FAM53B: variants seen among roughly 807,000 people sequenced by gnomAD.
FAM53B encodes the protein family with sequence similarity 53 member B, also known as protein FAM53B.
FAM53B carries 12 observed loss-of-function variants against 32.7 expected under a neutral mutation model. The ratio of observed to expected loss-of-function variants is 0.37; its 90% CI spans 0.24 to 0.59. FAM53B has a LOEUF of 0.59. FAM53B is among the 20% of genes least tolerant of loss of function. The pLI is 0.72. For synonymous variants in FAM53B, 234 were observed against 228.7 expected, an observed-to-expected ratio of 1.02 and a Z score of -0.21; for missense variants, 477 against 577.7, an observed-to-expected ratio of 0.83 and a Z score of 1.79.
At chr10:124,625,860 G>A (rs1309403155) in intron 4 of FAM53B, among the ~76,000 whole-genome samples, 1 of 152,256 alleles carries the variant, frequency 6.6e-6, no homozygotes, top group Non-Finnish European at 1.5e-5. Flanking sequence ...CCTAGGGTGA[G>A]GCCAGGATGC....
chr10:124,623,081 C>G lies in FAM53B; in HGVS notation c.*161G>C. On this transcript the variant is annotated 3_prime_UTR_variant, in exon 5 of 5. Coordinates refer to ENST00000337318, the MANE Select transcript of FAM53B (RefSeq NM_014661.4). Reference sequence around the variant, plus strand: ...CTGTATGACGCGGCCAGGCCAGGCTCTCCCCCAGGCAGCAGGTGGGCTCCC... The same window carrying G: ...CTGTATGACGCGGCCAGGCCAGGCTGTCCCCCAGGCAGCAGGTGGGCTCCC... The G allele has an allele frequency of 3.2e-6, 3 of 951,786 alleles. No individual in the cohort carries two copies. Among genetic ancestry groups the G allele is most frequent in the East Asian group, 2.6e-5 (1 of 38,606 alleles). 59.0% of individuals were successfully genotyped at this position (951,786 alleles called of 1,614,324 possible).
At chr10:124,696,746 T>G (rs1949875209) in intron 2 of FAM53B, among the ~76,000 whole-genome samples, 1 of 152,118 alleles carries the variant, frequency 6.6e-6, no homozygotes, top group South Asian at 2.1e-4. Flanking sequence ...CTGCAGACTG[T>G]TTTGTGGCTA....
chr10:124,649,376 A>G (rs1185383255), intron 4 of FAM53B, among the ~76,000 whole-genome samples: 1 of 152,202 alleles, frequency 6.6e-6, no homozygotes, highest in Non-Finnish European at 1.5e-5. Context: ...CATCTGACCA[A>G]GCAGAATGGA....
intron 4 of FAM53B, among the ~76,000 whole-genome samples, chr10:124,642,405 C>T (rs1484627656): frequency 6.6e-6 from 1 of 152,226 alleles, no homozygotes; most frequent in Non-Finnish European, 1.5e-5. Context: ...AAGGGTGGGG[C>T]AGTGAAGGCA....
chr10:124,633,661 GAT>G (rs1949407309), intron 4 of FAM53B, among the ~76,000 whole-genome samples: 1 of 152,178 alleles, frequency 6.6e-6, no homozygotes, highest in South Asian at 2.1e-4. Flanking sequence ...TTTGGTATAT[GAT>G]AAGGGTAGAA....
At chr10:124,736,218 G>C (rs1367244656) in intron 1 of FAM53B, among the ~76,000 whole-genome samples, 1 of 152,242 alleles carries the variant, frequency 6.6e-6, no homozygotes, top group African/African-American at 2.4e-5. Context: ...CAGAGGCCCA[G>C]TGAGGGTTAC....
At chr10:124,667,638 T>A (rs1949681360) in intron 4 of FAM53B, among the ~76,000 whole-genome samples, 1 of 152,168 alleles carries the variant, frequency 6.6e-6, no homozygotes, top group African/African-American at 2.4e-5. Flanking sequence ...ACTCTCCCCA[T>A]TCTCGCACTA....
intron 4 of FAM53B, among the ~76,000 whole-genome samples, chr10:124,642,258 G>C (rs1949480853): frequency 6.6e-6 from 1 of 152,230 alleles, no homozygotes; most frequent in Admixed American, 6.5e-5. Flanking sequence ...GCAGGTCCTA[G>C]AGATCTTAAC....
rs754299499 is a variant in FAM53B, at chr10:124,682,097, G to T, written c.416C>A (p.Thr139Asn). 6.2e-7 allele frequency: 1 copy of T among 1,613,680 alleles called. No individual in the cohort carries two copies. The highest frequency in any genetic ancestry group is 8.5e-7 in the Non-Finnish European group (1 of 1,179,918). Residue 139 changes from threonine to asparagine, a missense_variant, in exon 4 of 5, where the codon ACT (threonine) becomes AAT (asparagine). Physicochemically the swap from Thr to Asn is moderately conservative, Grantham distance 65 (BLOSUM62 0). Around this residue, in one of 2 missense-constraint regions of FAM53B, gnomAD observed 312 missense variants for 420.2 expected, o/e 0.74. Transcript: ENST00000337318. This position sits in a 1 kb window ranked among gnomAD's most constrained non-coding sequence, Gnocchi z 5.2. The stretch of plus-strand genomic sequence containing the variant: ...GTAGCAGCGTCTCTTTTCCACGGGA[G>T]TCCAGACTTTGGAGCCCAAGGGCCT... ...SWRPLGSKVW[T>N]PVEKRRCYSG... is the part of the protein sequence containing the mutation.
chr10:124,673,648 C>T (rs1222559937), intron 4 of FAM53B, among the ~76,000 whole-genome samples: 2 of 152,208 alleles, frequency 1.3e-5, no homozygotes, highest in Non-Finnish European at 2.9e-5. Context: ...TACCTCCTGA[C>T]TGAGGGACCT....
In FAM53B at chr10:124,619,360, C is replaced by T. The variant is rs1448363102; in HGVS notation, c.*3882G>A. On this transcript the variant is annotated 3_prime_UTR_variant, in exon 5 of 5. Coordinates refer to ENST00000337318, the MANE Select transcript of FAM53B (RefSeq NM_014661.4). ...CAAGCAAATTCCTGAGAGACTAGAGCGGCTGGAGTGCAAGCCACAGCCTGT... is the reference window on the plus strand; with the variant it reads ...CAAGCAAATTCCTGAGAGACTAGAGTGGCTGGAGTGCAAGCCACAGCCTGT... 3 of 152,574 alleles carry T rather than the reference C, an allele frequency of 2.0e-5. No homozygotes were observed. The highest frequency in any genetic ancestry group is 4.4e-5 in the Non-Finnish European group (3 of 68,050). 9.5% of individuals were successfully genotyped at this position (152,574 alleles called of 1,614,324 possible).
chr10:124,704,513 C>A (rs1949937101), intron 2 of FAM53B, among the ~76,000 whole-genome samples: 1 of 152,054 alleles, frequency 6.6e-6, no homozygotes, highest in African/African-American at 2.4e-5. Context: ...GGTTGAGTAG[C>A]CAGAGAAGGA....
At chr10:124,676,274 G>T (rs1461304483) in intron 4 of FAM53B, among the ~76,000 whole-genome samples, 12 of 152,162 alleles carry the variant, frequency 7.9e-5, no homozygotes, top group African/African-American at 1.9e-4. Flanking sequence ...TCTTCACACT[G>T]TCTGCAGTCT....
At chr10:124,738,795 T>C (rs755415515) in intron 1 of FAM53B, among the ~76,000 whole-genome samples, 2 of 151,756 alleles carry the variant, frequency 1.3e-5, no homozygotes, top group African/African-American at 4.8e-5. Flanking sequence ...GAATTACAAA[T>C]GCAAAAAGAA....
intron 1 of FAM53B, among the ~76,000 whole-genome samples, chr10:124,730,716 T>G (rs1950137213): frequency 6.6e-6 from 1 of 152,188 alleles, no homozygotes; most frequent in African/African-American, 2.4e-5. Context: ...ATGTGACACG[T>G]GGCTAGTGCA....
chr10:124,740,112 C>G (rs1177380937), intron 1 of FAM53B, among the ~76,000 whole-genome samples: 1 of 152,222 alleles, frequency 6.6e-6, no homozygotes, highest in East Asian at 1.9e-4. Flanking sequence ...CAAGTTTCCT[C>G]TGGAAGATTT....
At chr10:124,724,736 G>A (rs750267047) in intron 1 of FAM53B, among the ~76,000 whole-genome samples, 8 of 152,148 alleles carry the variant, frequency 5.3e-5, no homozygotes, top group Non-Finnish European at 1.2e-4. Context: ...CAAGCAGCTC[G>A]CCCAGAATGC....
Position 124,621,428 on chromosome 10 carries a change from T to C in FAM53B, c.*1814A>G, listed in dbSNP as rs1291823126. On this transcript the variant is annotated 3_prime_UTR_variant, in exon 5 of 5. Coordinates refer to ENST00000337318, the MANE Select transcript of FAM53B (RefSeq NM_014661.4). ...GGCTGTCCGGGATCACAAGTAGACA[T>C]GCCTCCGGCAGGAGCTACAGCAACC... The C allele has an allele frequency of 6.6e-6, 1 of 152,278 alleles. No homozygotes were observed. Among genetic ancestry groups the C allele is most frequent in the East Asian group, 1.9e-4 (1 of 5,196 alleles). 9.4% of individuals were successfully genotyped at this position (152,278 alleles called of 1,614,324 possible).
At chr10:124,684,256 T>C (rs1450715718) in intron 3 of FAM53B, among the ~76,000 whole-genome samples, 5 of 152,244 alleles carry the variant, frequency 3.3e-5, no homozygotes, top group African/African-American at 1.2e-4. Flanking sequence ...AAACATCCAA[T>C]TTCTTCATCA....
Sources: gnomAD v4.1 joint callset for allele counts (sites outside exome capture counted in the v4.1 genomes callset) on GRCh38, gnomAD v4.1.1 for gene constraint, gnomAD v4.1.1 regional missense constraint, Gnocchi (gnomAD v3.1) non-coding constraint, MANE v1.5 for transcripts, NCBI Gene and HGNC (gene_info 2026-07-23, HGNC 2026-07-21) for gene names.